The following PCSK5 variants were observed in gnomAD, a reference collection of about 807,000 sequenced individuals.
PCSK5 encodes the protein proprotein convertase subtilisin/kexin type 5, also known as prohormone convertase 5.
Under a neutral mutation model 233.2 loss-of-function variants are expected in PCSK5, and 129 were observed. That is an observed-to-expected ratio of 0.55 (90% CI 0.48 to 0.64). The LOEUF is 0.64. Ranked by LOEUF, PCSK5 falls within the 30% of genes least tolerant of loss-of-function variation. PCSK5 has a pLI of 0.00. For synonymous variants in PCSK5, 825 were observed against 879.2 expected, an observed-to-expected ratio of 0.94 and a Z score of 1.09; for missense variants, 2,076 against 2,430.1, an observed-to-expected ratio of 0.85 and a Z score of 3.06.
chr9:76,129,973 G>T (rs1742086156), intron 9 of PCSK5, among the ~76,000 whole-genome samples: 1 of 152,120 alleles, frequency 6.6e-6, no homozygotes, highest in South Asian at 2.1e-4. Context: ...TCACTGAACG[G>T]AGAAGAGTCA....
chr9:76,279,212 T>G (rs993775122), intron 24 of PCSK5, among the ~76,000 whole-genome samples: 10 of 150,838 alleles, frequency 6.6e-5, no homozygotes, highest in Non-Finnish European at 1.3e-4. Flanking sequence ...GATTTCCAAT[T>G]TCATCCATGT....
chr9:76,339,786 G>A (rs12350254), intron 35 of PCSK5, among the ~76,000 whole-genome samples: 17,891 of 151,828 alleles, frequency 0.12, 1,155 homozygotes, highest in East Asian at 0.2. Context: ...CTCATGATCC[G>A]CCCGCCTCAA....
intron 26 of PCSK5, among the ~76,000 whole-genome samples, chr9:76,296,024 G>A (rs767822297): frequency 1.2e-4 from 18 of 152,156 alleles, no homozygotes; most frequent in Non-Finnish European, 2.1e-4. Flanking sequence ...TTCTGTATTC[G>A]ATGCTCTTAA....
At chr9:76,163,486 G>T (rs932945296) in intron 12 of PCSK5, among the ~76,000 whole-genome samples, 1 of 152,236 alleles carries the variant, frequency 6.6e-6, no homozygotes, top group Non-Finnish European at 1.5e-5. Context: ...CCCCTGGCAA[G>T]CCCCGTGGAT....
intron 16 of PCSK5, among the ~76,000 whole-genome samples, chr9:76,183,566 G>T (rs1331149287): frequency 6.6e-6 from 1 of 152,218 alleles, no homozygotes; most frequent in Non-Finnish European, 1.5e-5. Context: ...CACTGGAGGT[G>T]CTTAAAGCAG....
intron 34 of PCSK5, among the ~76,000 whole-genome samples, chr9:76,337,951 G>A (rs1829725790): frequency 6.6e-6 from 1 of 152,154 alleles, no homozygotes; most frequent in African/African-American, 2.4e-5. Context: ...TAGCAACGAT[G>A]GAGGTGCTAC....
chr9:76,056,822 G>A (rs1829836877), intron 5 of PCSK5, among the ~76,000 whole-genome samples: 1 of 152,038 alleles, frequency 6.6e-6, no homozygotes, highest in Admixed American at 6.5e-5. Flanking sequence ...TTATTAGTTT[G>A]TCTACAGCCA....
chr9:76,082,331 T>C (rs1452523486), intron 7 of PCSK5, among the ~76,000 whole-genome samples: 5 of 152,184 alleles, frequency 3.3e-5, no homozygotes, highest in African/African-American at 1.2e-4. Context: ...GGAAAATGAT[T>C]TTATAAAACA....
intron 9 of PCSK5, among the ~76,000 whole-genome samples, chr9:76,123,300 C>T (rs1406738607): frequency 1.3e-5 from 2 of 151,990 alleles, no homozygotes; most frequent in Non-Finnish European, 2.9e-5. Flanking sequence ...GCAATGAATC[C>T]TCCCATTCAT....
At chr9:76,238,329 T>C (rs1826313954) in intron 22 of PCSK5, among the ~76,000 whole-genome samples, 1 of 152,224 alleles carries the variant, frequency 6.6e-6, no homozygotes, top group Admixed American at 6.5e-5. Flanking sequence ...GCACTGCTGA[T>C]TCTTTCCTTA....
At chr9:75,968,344 C>A (rs749846012) in intron 2 of PCSK5, among the ~76,000 whole-genome samples, 7 of 152,216 alleles carry the variant, frequency 4.6e-5, no homozygotes, top group Non-Finnish European at 7.3e-5. Flanking sequence ...CCTGTTATAT[C>A]GCTCGCGCGT....
chr9:76,229,504 G>A lies in PCSK5; in HGVS notation c.2729+1899G>A, dbSNP rs1826009301. Among the ~76,000 whole-genome samples the A allele has an allele frequency of 2.0e-5, 3 of 152,182 alleles. No homozygotes were observed. The South Asian group carries it at 6.2e-4, about 32-fold the overall frequency. ...CCTGCCCAGTCCTGAAGGAGTTAGAGAGTCAGTGAACTAATTAAAAATATT... is the reference window on the plus strand; with the variant it reads ...CCTGCCCAGTCCTGAAGGAGTTAGAAAGTCAGTGAACTAATTAAAAATATT... On this transcript the variant is annotated intron_variant, in intron 21 of 37. Transcript: ENST00000674117.
chr9:76,097,850 A>T (rs576080804), intron 8 of PCSK5, among the ~76,000 whole-genome samples: 1 of 152,276 alleles, frequency 6.6e-6, no homozygotes, highest in South Asian at 2.1e-4. Context: ...ACACCTTTGC[A>T]CTTTGCCCTT....
At chr9:76,271,311 C>G (rs1341984885) in intron 24 of PCSK5, among the ~76,000 whole-genome samples, 1 of 152,170 alleles carries the variant, frequency 6.6e-6, no homozygotes, top group Non-Finnish European at 1.5e-5. Context: ...TAACCACTCC[C>G]CTCTGCATTA....
intron 8 of PCSK5, among the ~76,000 whole-genome samples, chr9:76,099,120 A>C (rs186945897): frequency 6.6e-6 from 1 of 152,080 alleles, no homozygotes; most frequent in Admixed American, 6.5e-5. Flanking sequence ...TGTTTAATGC[A>C]TTTCTTCTGT....
chr9:76,216,128 A>G (rs2131293528), intron 20 of PCSK5, among the ~76,000 whole-genome samples: 2 of 152,230 alleles, frequency 1.3e-5, no homozygotes, highest in South Asian at 4.1e-4. Context: ...TCTGTCCTCT[A>G]CATGACTCCG....
rs140002199 is a variant in PCSK5 at position 76,236,861 on chromosome 9, C to T, written c.2867-2098C>T. On this transcript the variant is annotated intron_variant, in intron 22 of 37. Transcript: ENST00000674117. ...GAACACTTCCTTCTAAATCTGGGCCCGTCGTTGCTAATTTTTAAGATTGAT... is the reference window on the plus strand; with the variant it reads ...GAACACTTCCTTCTAAATCTGGGCCTGTCGTTGCTAATTTTTAAGATTGAT... Among the ~76,000 whole-genome samples, 411 of 152,236 alleles carry T rather than the reference C, an allele frequency of 2.7e-3. 1 individual carries two copies. Among genetic ancestry groups the T allele is most frequent in the African/African-American group, 9.2e-3 (382 of 41,518 alleles).
chr9:76,319,331 A>G lies in PCSK5; in HGVS notation c.3885-2091A>G, dbSNP rs543201718. Among the ~76,000 whole-genome samples the G allele has an allele frequency of 8.8e-5, 12 of 136,214 alleles. 1 individual carries two copies. In the South Asian group the frequency reaches 2.7e-3, roughly 30 times the overall value. The allele number at this position is 136,214 out of a possible 152,430, so 89.4% of individuals were successfully genotyped here. On this transcript the variant is annotated intron_variant, in intron 30 of 37. Transcript: ENST00000674117. ...CTGAAGGCACAAACTGTTTCAGTAT[A>G]ATAAAGAAAATAGTTAGAATAAGAA...
chr9:76,025,561 C>G (rs977629510), intron 4 of PCSK5, among the ~76,000 whole-genome samples: 3 of 152,074 alleles, frequency 2.0e-5, no homozygotes, highest in Non-Finnish European at 4.4e-5. Context: ...TGTTGAGTCA[C>G]CATTTTACCC....
Sources: gnomAD v4.1 joint callset for allele counts (sites outside exome capture counted in the v4.1 genomes callset) on GRCh38, gnomAD v4.1.1 for gene constraint, MANE v1.5 for transcripts, NCBI Gene and HGNC (gene_info 2026-07-23, HGNC 2026-07-21) for gene names.